Variants in PIGB observed in about 807,000 individuals in gnomAD.
The protein encoded by PIGB is GPI alpha-1,2-mannosyltransferase 3.
Under a neutral mutation model 68.4 loss-of-function variants are expected in PIGB, and 58 were observed. The ratio of observed to expected loss-of-function variants is 0.85; its 90% CI spans 0.69 to 1.06. The LOEUF is 1.06. PIGB is among the 50% of genes least tolerant of loss of function. The pLI is 0.00. For missense variants in PIGB, 634 were observed against 655.8 expected (o/e 0.97, Z 0.36); for synonymous variants, 219 against 220.5 (o/e 0.99, Z 0.06).
chr15:55,353,029 A>G (rs1372398574), intron 10 of PIGB, among the ~76,000 whole-genome samples: 3 of 152,230 alleles, frequency 2.0e-5, no homozygotes, highest in Non-Finnish European at 4.4e-5. Context: ...TACTATATGT[A>G]TATGTGGCTG....
chr15:55,344,338 C>T (rs1437967676), intron 9 of PIGB, among the ~76,000 whole-genome samples: 3 of 152,236 alleles, frequency 2.0e-5, no homozygotes, highest in Non-Finnish European at 4.4e-5. Flanking sequence ...TTCTCTTCCT[C>T]CAACAGGCCA....
rs898830824 is a variant in PIGB at position 55,339,277 on chromosome 15, T to C, written c.805T>C (p.Leu269=). ...HHFLPVGFVT[L]SLSLMIDRIF... is the part of the protein sequence containing the mutation. ...ATTTTTGTTTTTCAGCTTTGTTACT[T>C]TGAGTTTGTCTCTGATGATTGATCG... Residue 269 remains leucine (L), a synonymous_variant, in exon 7 of 12, where the codon TTG becomes CTG. Transcript: ENST00000164305. 1.9e-6 allele frequency: 3 copies of C among 1,552,388 alleles called. No individual in the cohort carries two copies. Among genetic ancestry groups the C allele is most frequent in the Admixed American group, 2.0e-5 (1 of 50,624 alleles).
Position 55,319,341 on chromosome 15 carries a change from A to T in PIGB, c.91A>T (p.Lys31Ter), listed in dbSNP as rs770161203. 50 of 1,578,484 alleles carry T rather than the reference A, an allele frequency of 3.2e-5. No individual in the cohort carries two copies. Among genetic ancestry groups the T allele is most frequent in the Non-Finnish European group, 4.0e-5 (46 of 1,161,724 alleles). ...TGGTCTCCAGAACCGCTCCCACGGCAAGATAAAGCTGCGAAAGAGAAAGTC... is the reference window on the plus strand; with the variant it reads ...TGGTCTCCAGAACCGCTCCCACGGCTAGATAAAGCTGCGAAAGAGAAAGTC... Reference protein sequence around the residue: ...LHGLQNRSHGKIKLRKRKSTL... With the variant: ...LHGLQNRSHG Residue 31 changes from lysine (K) to a stop codon, truncating the protein, a stop_gained, in exon 1 of 12, where the codon AAG (lysine) becomes TAG (stop). Coordinates refer to ENST00000164305, the MANE Select transcript of PIGB (RefSeq NM_004855.5). LOFTEE classifies it high-confidence loss of function.
intron 3 of PIGB, 104 bp from the exon 4 acceptor site, chr15:55,327,427 A>G (rs2055318665): frequency 1.5e-6 from 1 of 686,972 alleles, no homozygotes; most frequent in Non-Finnish European, 2.4e-6. Flanking sequence ...TGTACTAAGA[A>G]TGGCTTCCCA....
At chr15:55,329,893 T>G in intron 5 of PIGB, 39 bp downstream of exon 5, 1 of 1,452,588 alleles carries the variant, frequency 6.9e-7, no homozygotes, top group Non-Finnish European at 9.5e-7. Context: ...TTCAAAATTC[T>G]ACTTTTGAAA....
rs1566959229 is a variant in PIGB, at chr15:55,349,007, G to A, written c.1124-1692G>A. Among the ~76,000 whole-genome samples, 7 of 150,414 alleles carry A rather than the reference G, an allele frequency of 4.7e-5. 1 individual carries two copies. Among genetic ancestry groups the A allele is most frequent in the Admixed American group, 4.0e-4 (6 of 14,982 alleles). ...GTTGCCCAGGCTGGAGTGCAGTGGCGTGATCTCGGCTCACTGCAACCTCTG... is the reference window on the plus strand; with the variant it reads ...GTTGCCCAGGCTGGAGTGCAGTGGCATGATCTCGGCTCACTGCAACCTCTG... On this transcript the variant is annotated intron_variant, in intron 9 of 11. Coordinates refer to ENST00000164305, the MANE Select transcript of PIGB (RefSeq NM_004855.5).
intron 10 of PIGB, among the ~76,000 whole-genome samples, chr15:55,353,998 T>TAAAAAAAAAAAAAAAAAAA (rs1555405990): frequency 2.7e-5 from 3 of 112,030 alleles, no homozygotes; most frequent in African/African-American, 1.3e-4. Flanking sequence ...TCATCTTAAA[T>TAAAAAAAAAAAAAAAAAAA]AAAAAAAAAA....
chr15:55,339,434 C>T (rs1324787062), intron 7 of PIGB, 116 bp downstream of exon 7: 1 of 657,812 alleles, frequency 1.5e-6, no homozygotes, highest in African/African-American at 1.8e-5. Flanking sequence ...GACTTCTAGG[C>T]ATATCCTAAT....
chr15:55,340,479 A>C (rs751531579), intron 7 of PIGB, 133 bp from the exon 8 acceptor site: 1 of 491,908 alleles, frequency 2.0e-6, no homozygotes, highest in African/African-American at 2.2e-5. Context: ...AAAAAAAATT[A>C]TTAATGTAAA....
chr15:55,332,234 A>C (rs1452068430), intron 5 of PIGB, among the ~76,000 whole-genome samples: 1 of 151,682 alleles, frequency 6.6e-6, no homozygotes, highest in Non-Finnish European at 1.5e-5. Context: ...CGGCCTCCCA[A>C]AGTGCTGGGA....
At chr15:55,351,985 G>A (rs1221266481) in intron 10 of PIGB, 1 of 119,766 alleles carries the variant, frequency 8.3e-6, no homozygotes, top group Non-Finnish European at 1.6e-5. Flanking sequence ...TTTTGCTCTT[G>A]TTGCCCAGGC....
At chr15:55,348,461 G>C (rs1173080667) in intron 9 of PIGB, 1 of 152,276 alleles carries the variant, frequency 6.6e-6, no homozygotes, top group East Asian at 1.9e-4. Flanking sequence ...TGTTGGAGGT[G>C]GGGCCTAATG....
At chr15:55,320,653 G>A (rs1009334993) in intron 2 of PIGB, among the ~76,000 whole-genome samples, 2 of 152,116 alleles carry the variant, frequency 1.3e-5, no homozygotes, top group African/African-American at 4.8e-5. Context: ...GAGATTAACA[G>A]TATTAAAATA....
chr15:55,343,822 G>C (rs2055727807), intron 9 of PIGB, among the ~76,000 whole-genome samples: 1 of 152,136 alleles, frequency 6.6e-6, no homozygotes, highest in Admixed American at 6.5e-5. Flanking sequence ...TAAGGTTCTA[G>C]AGTGGGTCAA....
chr15:55,329,689 A>C (rs1359720721), intron 4 of PIGB, 35 bp from the exon 5 acceptor site: 2 of 1,564,150 alleles, frequency 1.3e-6, no homozygotes, highest in Non-Finnish European at 1.7e-6. Flanking sequence ...TTCCATTTCC[A>C]ATTTCATATA....
intron 3 of PIGB, among the ~76,000 whole-genome samples, chr15:55,325,483 A>G (rs1034227734): frequency 6.6e-6 from 1 of 152,126 alleles, no homozygotes; most frequent in South Asian, 2.1e-4. Flanking sequence ...GAGAGATGCT[A>G]GTGCATAGCA....
intron 5 of PIGB, among the ~76,000 whole-genome samples, chr15:55,332,844 G>A (rs1362617652): frequency 6.6e-6 from 1 of 152,062 alleles, no homozygotes; most frequent in African/African-American, 2.4e-5. Flanking sequence ...TCAACCATTA[G>A]TTTAGAGAAG....
intron 9 of PIGB, 52 bp downstream of exon 9, chr15:55,341,854 GACAACACATCCTC>G: frequency 1.4e-6 from 1 of 718,618 alleles, no homozygotes; most frequent in Non-Finnish European, 2.1e-6. Context: ...ATAGTCTAAA[GACAACACATCCTC>G]ATTAAACTAT....
rs1421355073 is a variant in PIGB at position 55,340,731 on chromosome 15, T to A, written c.966T>A (p.Thr322=). The change falls in exon 8 of 12, where the codon ACT becomes ACA. Residue 322 remains threonine, a synonymous_variant. Coordinates refer to ENST00000164305, the MANE Select transcript of PIGB (RefSeq NM_004855.5). ...FSQGFPVILG[T]HLPFFIHGCY... ...AAGGATTTCCAGTTATCTTGGGTAC[T>A]CACTTACCCTTCTTTATTCATGGCT... is the stretch of plus-strand genomic sequence containing the variant. The A allele has an allele frequency of 1.2e-6, 2 of 1,610,328 alleles. No individual in the cohort carries two copies. Among genetic ancestry groups the A allele is most frequent in the Admixed American group, 1.7e-5 (1 of 59,682 alleles).
Sources: allele counts gnomAD v4.1 joint callset (sites outside exome capture counted in the v4.1 genomes callset), GRCh38; gene constraint gnomAD v4.1.1; transcripts MANE v1.5; gene names NCBI Gene and HGNC (gene_info 2026-07-23, HGNC 2026-07-21).